Variants in LOC400499 observed in about 807,000 individuals in gnomAD.
the LOC400499 span, chr16:11,447,907 T>A: frequency 6.3e-5 from 96 of 1,525,158 alleles, no homozygotes; most frequent in Non-Finnish European, 8.2e-5. Context: ...TGCAGGGGTG[T>A]CAGCTGAGCA....
At chr16:11,515,214 G>A in the LOC400499 span, among the ~76,000 whole-genome samples, 1 of 152,088 alleles carries the variant, frequency 6.6e-6, no homozygotes, top group African/African-American at 2.4e-5. Context: ...GGGAGGCTGA[G>A]GCAGGAGGAT....
chr16:11,472,103 C>T, the LOC400499 span: 3 of 336,342 alleles, frequency 8.9e-6, no homozygotes, highest in Non-Finnish European at 1.1e-5. Context: ...GCCAGTAACC[C>T]CTACCAACAA....
chr16:11,461,148 A>G, the LOC400499 span: 1 of 1,521,702 alleles, frequency 6.6e-7, no homozygotes, highest in Non-Finnish European at 8.8e-7. Context: ...GGCAGATGAG[A>G]GGGTCAGCCC....
chr16:11,492,407 G>C, the LOC400499 span, among the ~76,000 whole-genome samples: 1 of 151,870 alleles, frequency 6.6e-6, no homozygotes, highest in African/African-American at 2.4e-5. Flanking sequence ...CCATAAACAA[G>C]ACCAACTCAG....
chr16:11,440,515 G>A, the LOC400499 span, among the ~76,000 whole-genome samples: 199 of 152,296 alleles, frequency 1.3e-3, no homozygotes, highest in Non-Finnish European at 2.3e-3. Context: ...ATGAACACTG[G>A]CCTTTCACAA....
chr16:11,427,226 G>A, the LOC400499 span, among the ~76,000 whole-genome samples: 1 of 151,608 alleles, frequency 6.6e-6, no homozygotes, highest in Non-Finnish European at 1.5e-5. Flanking sequence ...AGCCAGACAT[G>A]GTGGCGCTTG....
chr16:11,520,869 G>A, the LOC400499 span, among the ~76,000 whole-genome samples: 1 of 151,896 alleles, frequency 6.6e-6, no homozygotes, highest in Non-Finnish European at 1.5e-5. Flanking sequence ...CCTCCCAAGG[G>A]GCCAGAAAAT....
the LOC400499 span, chr16:11,399,864 G>A: frequency 2.5e-6 from 1 of 398,636 alleles, no homozygotes; most frequent in Non-Finnish European, 4.4e-6. Context: ...ACATGTAGGG[G>A]AGAGGAGAGG....
chr16:11,389,776 C>T, the LOC400499 span, among the ~76,000 whole-genome samples: 1 of 151,844 alleles, frequency 6.6e-6, no homozygotes, highest in African/African-American at 2.4e-5. Flanking sequence ...GACTCTCAGG[C>T]CCTCTGCAGC....
the LOC400499 span, among the ~76,000 whole-genome samples, chr16:11,495,894 C>G: frequency 1.3e-5 from 2 of 152,092 alleles, no homozygotes; most frequent in East Asian, 3.9e-4. Context: ...GGCTCCCAGG[C>G]CAGGCATGAT....
At chr16:11,527,197 G>C in the LOC400499 span, among the ~76,000 whole-genome samples, 1 of 152,202 alleles carries the variant, frequency 6.6e-6, no homozygotes. Context: ...CCAGCCCCGT[G>C]CCACCAGCCT....
chr16:11,408,962 A>G, the LOC400499 span, among the ~76,000 whole-genome samples: 1 of 152,046 alleles, frequency 6.6e-6, no homozygotes, highest in Non-Finnish European at 1.5e-5. Context: ...AAAAAATTGT[A>G]TAATAAAATG....
the LOC400499 span, among the ~76,000 whole-genome samples, chr16:11,463,651 G>C: frequency 2.3e-4 from 35 of 152,290 alleles, no homozygotes; most frequent in Admixed American, 1.3e-3. Context: ...CGTGGATTGT[G>C]TGAATATGGA....
chr16:11,439,095 G>C, the LOC400499 span, among the ~76,000 whole-genome samples: 32 of 152,216 alleles, frequency 2.1e-4, 1 homozygote, highest in South Asian at 6.2e-3. Context: ...AATTTGGTGG[G>C]GGGGACAGGG....
At chr16:11,462,003 G>A in the LOC400499 span, 1 of 964,184 alleles carries the variant, frequency 1.0e-6, no homozygotes, top group Non-Finnish European at 1.4e-6. Flanking sequence ...GCCCTTGGAT[G>A]GGATGTTGAT....
the LOC400499 span, among the ~76,000 whole-genome samples, chr16:11,378,648 T>C: frequency 1.3e-5 from 2 of 152,376 alleles, no homozygotes; most frequent in South Asian, 4.1e-4. Context: ...TTCATATGTT[T>C]GGTCTCAAGA....
At chr16:11,509,913 C>A in the LOC400499 span, among the ~76,000 whole-genome samples, 1 of 151,936 alleles carries the variant, frequency 6.6e-6, no homozygotes, top group Non-Finnish European at 1.5e-5. Flanking sequence ...CAGAATTTGT[C>A]TGGAAGAGTA....
the LOC400499 span, among the ~76,000 whole-genome samples, chr16:11,489,783 A>G: frequency 6.6e-6 from 1 of 152,194 alleles, no homozygotes; most frequent in African/African-American, 2.4e-5. Context: ...GTATCTTCCA[A>G]TAGTGCCATC....
At chr16:11,432,755 G>A in the LOC400499 span, among the ~76,000 whole-genome samples, 1 of 152,182 alleles carries the variant, frequency 6.6e-6, no homozygotes, top group East Asian at 1.9e-4. Context: ...CATGCATTTC[G>A]TGGTGCACAG....
Sources: gnomAD v4.1 joint callset for allele counts (sites outside exome capture counted in the v4.1 genomes callset) on GRCh38, gnomAD v4.1.1 for gene constraint, MANE v1.5 for transcripts.